The following TOP1MT variants were observed in gnomAD, a reference collection of about 807,000 sequenced individuals.
TOP1MT encodes DNA topoisomerase I, mitochondrial.
TOP1MT carries 80 observed loss-of-function variants against 73.9 expected under a neutral mutation model. That is an observed-to-expected ratio of 1.08 (90% confidence interval 0.90 to 1.30). The LOEUF is 1.30. TOP1MT is among the 50% of genes most tolerant of loss of function. The probability of loss-of-function intolerance (pLI) is 0.00; values close to 1 mark genes in which losing one functional copy is unlikely to be tolerated. For synonymous variants in TOP1MT, 338 were observed against 326.4 expected (o/e 1.04, Z -0.38); for missense variants, 815 against 808.0 (o/e 1.01, Z -0.10).
At chr8:143,334,174 A>G (rs1248726926) in intron 1 of TOP1MT, 2 of 152,306 alleles carry the variant, frequency 1.3e-5, no homozygotes, top group Admixed American at 1.3e-4. Flanking sequence ...ACCCATCCCC[A>G]TGCGGCTACC....
At chr8:143,309,698 C>A (rs373911834) in intron 13 of TOP1MT, 155 bp from the exon 14 acceptor site, 9 of 1,515,388 alleles carry the variant, frequency 5.9e-6, no homozygotes, top group Admixed American at 2.0e-5. Flanking sequence ...AACCCCACCC[C>A]ACGCATGCCG....
intron 13 of TOP1MT, 144 bp from the exon 14 acceptor site, chr8:143,309,687 C>A: frequency 6.6e-7 from 1 of 1,517,066 alleles, no homozygotes; most frequent in Non-Finnish European, 8.8e-7. Context: ...TCCTCTAGGC[C>A]AACCCCACCC....
rs766168802 is a variant in TOP1MT at position 143,329,492 on chromosome 8, A to G, written c.239-21T>C. ...CCTTCCTGCAGGCATCGGAAGACACATCGTATGAGAGAGCGGCCAGAGGCT... is the reference window on the plus strand; with the variant it reads ...CCTTCCTGCAGGCATCGGAAGACACGTCGTATGAGAGAGCGGCCAGAGGCT... On this transcript the variant is annotated intron_variant, in intron 2 of 13. Coordinates refer to ENST00000329245, the MANE Select transcript of TOP1MT (RefSeq NM_052963.3). 1.1e-5 allele frequency: 17 copies of G among 1,598,976 alleles called. No individual in the cohort carries two copies. In the East Asian group the frequency reaches 1.8e-4, roughly 17 times the overall value.
chr8:143,342,775 TC>T (rs1379827922), intron 2 of TOP1MT, among the ~76,000 whole-genome samples: 36 of 43,492 alleles, frequency 8.3e-4, no homozygotes, highest in Non-Finnish European at 1.8e-3. Flanking sequence ...AGAGTCTTGC[TC>T]TATTATTATT....
In TOP1MT at chr8:143,316,194, G is replaced by A. The variant is rs935350569; in HGVS notation, c.1331-68C>T. 1.6e-5 allele frequency: 25 copies of A among 1,608,508 alleles called. 1 individual carries two copies. In the East Asian group the frequency reaches 2.0e-4, roughly 13 times the overall value. On this transcript the variant is annotated intron_variant, in intron 10 of 13. Transcript: ENST00000329245. ...CCACCCTCCCTGTCTGCCCTGAGCC[G>A]GCCTTAACGCGCCACACAGCGCAGC...
chr8:143,313,200 T>A (rs1816058256), intron 12 of TOP1MT, among the ~76,000 whole-genome samples: 1 of 152,350 alleles, frequency 6.6e-6, no homozygotes, highest in South Asian at 2.1e-4. Flanking sequence ...AGGCAAAGCC[T>A]TCTCAGCACG....
At position 143,324,140 on chromosome 8, in the gene TOP1MT, C is replaced by A. The variant is rs1449227095; in HGVS notation, c.819G>T (p.Gly273=). ...IMLNPCSKLK[G]ETAWQKFETA... is the part of the protein sequence containing the mutation. Reference sequence around the variant, plus strand: ...TTTCAAACTTCTGCCAAGCTGTCTCCCCCTAAACGAAGAAAATAACAGGAA... The same window carrying A: ...TTTCAAACTTCTGCCAAGCTGTCTCACCCTAAACGAAGAAAATAACAGGAA... The change falls in exon 7 of 14, where the codon GGG becomes GGT. Residue 273 remains glycine, a splice_region_variant and synonymous_variant. Transcript: ENST00000329245. The A allele has an allele frequency of 2.5e-6, 4 of 1,613,088 alleles. No homozygotes were observed. The highest frequency in any genetic ancestry group is 3.4e-6 in the Non-Finnish European group (4 of 1,179,832).
chr8:143,353,375 C>G (rs1198782333), intron 1 of TOP1MT, among the ~76,000 whole-genome samples: 4 of 150,578 alleles, frequency 2.7e-5, no homozygotes, highest in African/African-American at 9.8e-5. Flanking sequence ...ATGACGGTGT[C>G]ACTGCACTCC....
intron 8 of TOP1MT, among the ~76,000 whole-genome samples, chr8:143,320,685 G>A (rs143461351): frequency 2.4e-4 from 36 of 152,354 alleles, no homozygotes; most frequent in African/African-American, 8.2e-4. Flanking sequence ...CGCAGAGGCA[G>A]AGATGCAGGG....
chr8:143,354,069 C>A (rs1817366415), intron 1 of TOP1MT, among the ~76,000 whole-genome samples: 1 of 149,774 alleles, frequency 6.7e-6, no homozygotes, highest in Admixed American at 6.7e-5. Context: ...TACCCGAAAG[C>A]ACTGCAAAGA....
chr8:143,353,666 T>C (rs965319430), intron 1 of TOP1MT, among the ~76,000 whole-genome samples: 1 of 152,088 alleles, frequency 6.6e-6, no homozygotes, highest in African/African-American at 2.4e-5. Context: ...GGTGGGAATG[T>C]AAAACGGTAA....
At chr8:143,354,708 A>G (rs1009333503) in intron 1 of TOP1MT, among the ~76,000 whole-genome samples, 3 of 144,056 alleles carry the variant, frequency 2.1e-5, no homozygotes, top group Non-Finnish European at 4.4e-5. Context: ...GTGAAACTCC[A>G]TTTCAAAAAA....
chr8:143,354,345 T>A, intron 1 of TOP1MT, among the ~76,000 whole-genome samples: 1 of 152,030 alleles, frequency 6.6e-6, no homozygotes, highest in East Asian at 1.9e-4. Flanking sequence ...ATATCCAGAA[T>A]AAGCAAATCC....
chr8:143,321,943 C>T (rs865901895), intron 7 of TOP1MT, among the ~76,000 whole-genome samples: 1,049 of 52,060 alleles, frequency 0.02, 39 homozygotes, highest in East Asian at 0.098. Flanking sequence ...CACACACGCA[C>T]GCCACACACG....
Position 143,324,605 on chromosome 8 carries a change from C to T in TOP1MT, c.696G>A (p.Pro232=), listed in dbSNP as rs750427879. The change falls in exon 6 of 14, where the codon CCG becomes CCA. Residue 232 remains proline, a synonymous_variant. Coordinates refer to ENST00000329245, the MANE Select transcript of TOP1MT (RefSeq NM_052963.3). The part of the protein sequence containing the change: ...CSRDSKIPEP[P]AGHQWKEVRS... ...GCACCTCCTTCCACTGGTGCCCCGC[C>T]GGCGGCTCGGGGATCTTCGAGTCCC... The T allele has an allele frequency of 5.0e-6, 8 of 1,613,418 alleles. No individual in the cohort carries two copies. Among genetic ancestry groups the T allele is most frequent in the East Asian group, 4.5e-5 (2 of 44,892 alleles).
Position 143,321,317 on chromosome 8 carries a change from G to A in TOP1MT, c.1030C>T (p.Arg344Cys), listed in dbSNP as rs72701720. ...AADTVGCCSL[R>C]VEHVQLHPEA... is the part of the protein sequence containing the mutation. ...GGGTGCAGCTGGACGTGCTCCACGC[G>A]GAGGGAACAGCAGCCCACGGTGTCG... The change falls in exon 8 of 14, where the codon CGC becomes TGC. Residue 344 changes from arginine (R) to cysteine (C), a missense_variant. Coordinates refer to ENST00000329245, the MANE Select transcript of TOP1MT (RefSeq NM_052963.3). The A allele has an allele frequency of 1.1e-3, 1,811 of 1,611,434 alleles. 2 individuals carry two copies. The highest frequency in any genetic ancestry group is 1.3e-3 in the Non-Finnish European group (1,551 of 1,178,360).
At chr8:143,315,657 C>A in intron 12 of TOP1MT, 70 bp downstream of exon 12, 1 of 1,236,854 alleles carries the variant, frequency 8.1e-7, no homozygotes, top group South Asian at 1.3e-5. Context: ...TCCCACCGAC[C>A]CTGTGGGGCT....
chr8:143,311,189 A>T (rs1189693521), intron 12 of TOP1MT, among the ~76,000 whole-genome samples: 1 of 146,556 alleles, frequency 6.8e-6, no homozygotes, highest in East Asian at 2.0e-4. Flanking sequence ...TGATGGTCTC[A>T]AACTCCCAAC....
intron 3 of TOP1MT, among the ~76,000 whole-genome samples, chr8:143,328,852 G>A (rs565041903): frequency 1.2e-4 from 19 of 152,298 alleles, no homozygotes; most frequent in African/African-American, 4.3e-4. Context: ...CACAGAATCC[G>A]CGGCACACAC....
Sources: gnomAD v4.1 joint callset for allele counts (sites outside exome capture counted in the v4.1 genomes callset) on GRCh38, gnomAD v4.1.1 for gene constraint, MANE v1.5 for transcripts, NCBI Gene and HGNC (gene_info 2026-07-23, HGNC 2026-07-21) for gene names.